Variants in KIF26A observed in about 807,000 individuals in gnomAD.
The protein encoded by KIF26A is kinesin-like protein KIF26A.
In KIF26A, 74 loss-of-function variants were observed where a neutral mutation model predicts 126.0. That is an observed-to-expected ratio of 0.59 (90% CI 0.49 to 0.71). The LOEUF (loss-of-function observed/expected upper bound fraction) is 0.71, where lower values mean the gene tolerates loss of function less well. Among genes scored for constraint, KIF26A ranks in the 30% least tolerant of loss-of-function variants. The pLI is 0.00. For synonymous variants in KIF26A, 1,445 were observed against 1,232.7 expected (o/e 1.17, Z -3.61); for missense variants, 2,984 against 2,763.3 (o/e 1.08, Z -1.79).
intron 2 of KIF26A, among the ~76,000 whole-genome samples, chr14:104,140,867 G>A (rs1449301836): frequency 6.6e-6 from 1 of 152,168 alleles, no homozygotes; most frequent in Non-Finnish European, 1.5e-5. Context: ...GTCCCGGGCT[G>A]GTCTCAGCCA....
intron 4 of KIF26A, among the ~76,000 whole-genome samples, chr14:104,165,059 CTCTGTGTT>C (rs201225101): frequency 6.7e-6 from 1 of 150,034 alleles, no homozygotes; most frequent in African/African-American, 2.5e-5. Context: ...GTCTGTGTGT[CTCTGTGTT>C]TCTGTATGCA....
chr14:104,145,493 G>A (rs1315850998), intron 2 of KIF26A, among the ~76,000 whole-genome samples: 1 of 152,178 alleles, frequency 6.6e-6, no homozygotes. Flanking sequence ...GCCTGGCCCG[G>A]CGCCAGGTCA....
intron 2 of KIF26A, 122 bp downstream of exon 2, chr14:104,139,410 ATCAGCCAGG>A: frequency 8.2e-7 from 1 of 1,224,240 alleles, no homozygotes; most frequent in Non-Finnish European, 1.1e-6. Context: ...ACAAAGAGTT[ATCAGCCAGG>A]ACTTCCCTTC....
chr14:104,139,687 G>GC (rs943186577), intron 2 of KIF26A, among the ~76,000 whole-genome samples: 1 of 152,204 alleles, frequency 6.6e-6, no homozygotes, highest in Non-Finnish European at 1.5e-5. Flanking sequence ...GGGCACCTGG[G>GC]CCCCCAGCCA....
At chr14:104,172,511 T>C in intron 6 of KIF26A, 64 bp from the exon 7 acceptor site, 6 of 1,283,952 alleles carry the variant, frequency 4.7e-6, no homozygotes, top group Non-Finnish European at 6.7e-6. Context: ...CAGACCGGCC[T>C]CAGGCCCACA....
Position 104,176,112 on chromosome 14 carries a change from C to T in KIF26A, c.3324C>T (p.Ser1108=). 1 of 1,582,760 alleles carries T rather than the reference C, an allele frequency of 6.3e-7. No individual in the cohort carries two copies. Among genetic ancestry groups the T allele is most frequent in the Non-Finnish European group, 8.6e-7 (1 of 1,165,328 alleles). ...GAAWAGSSHG[S]SISSWLSEVS... ...CCTGGGCCGGCAGCAGTCACGGCTCCTCCATCAGCTCCTGGCTCAGCGAGG... is the reference window on the plus strand; with the variant it reads ...CCTGGGCCGGCAGCAGTCACGGCTCTTCCATCAGCTCCTGGCTCAGCGAGG... Residue 1108 remains serine, a synonymous_variant, in exon 12 of 15, where the codon TCC becomes TCT. Transcript: ENST00000423312.
chr14:104,157,748 CCT>C lies in KIF26A; in HGVS notation c.736-5_736-4del, dbSNP rs759125663. ...GTTCCTTATACGCACTCTCTCCTTC[CCT>C]CCAGGCCGAGGCAGCGGTGGCGGCC... On this transcript the variant is annotated splice_polypyrimidine_tract_variant and splice_region_variant and intron_variant, in intron 3 of 14. Transcript: ENST00000423312. 6.2e-7 allele frequency: 1 copy of C among 1,610,082 alleles called. No homozygotes were observed. The highest frequency in any genetic ancestry group is 8.5e-7 in the Non-Finnish European group (1 of 1,178,866).
chr14:104,171,724 T>C lies in KIF26A; in HGVS notation c.1115T>C (p.Val372Ala). 2 of 1,566,396 alleles carry C rather than the reference T, an allele frequency of 1.3e-6. No homozygotes were observed. Among genetic ancestry groups the C allele is most frequent in the Non-Finnish European group, 1.7e-6 (2 of 1,157,060 alleles). ...TKDNPGSIGK[V>A]KVMLRIWPAQ... ...AGGTGCCGCCCACCTCTGCCCCAGG[T>C]GAAGGTTATGCTGCGGATCTGGCCC... The change falls in exon 6 of 15, where the codon GTG becomes GCG. Residue 372 changes from valine to alanine, a missense_variant and splice_region_variant. Val to Ala is a moderately conservative substitution (Grantham distance 64). Coordinates refer to ENST00000423312, the MANE Select transcript of KIF26A (RefSeq NM_015656.2).
chr14:104,151,759 G>GGCTAACATTAA lies in KIF26A; in HGVS notation c.289-254_289-253insTAACATTAAGC, dbSNP rs1441120621. Among the ~76,000 whole-genome samples the GGCTAACATTAA allele has an allele frequency of 6.6e-6, 1 of 152,246 alleles. No homozygotes were observed. The highest frequency in any genetic ancestry group is 1.5e-5 in the Non-Finnish European group (1 of 68,038). ...CCGCAAACCTGCCTTGTTAGCCGCA[G>GGCTAACATTAA]GCCGGGGCGCTTAATGACGGCTGGG... On this transcript the variant is annotated intron_variant, in intron 2 of 14. Coordinates refer to ENST00000423312, the MANE Select transcript of KIF26A (RefSeq NM_015656.2). The surrounding 1 kb of genome is among the most constrained non-coding windows in gnomAD (Gnocchi z 4.9).
chr14:104,174,170 C>T lies in KIF26A; in HGVS notation c.2053C>T (p.Leu685=), dbSNP rs1460025452. The part of the protein sequence containing the change: ...PYRDHRLTML[L]RESLATAGCR... ...CAGGGACCACAGGCTCACCATGCTG[C>T]TGCGTGAATCCCTGGCCACCGCTGG... The change falls in exon 11 of 15, where the codon CTG becomes TTG. Residue 685 remains leucine (L), a synonymous_variant. Coordinates refer to ENST00000423312, the MANE Select transcript of KIF26A (RefSeq NM_015656.2). 1.9e-6 allele frequency: 3 copies of T among 1,587,444 alleles called. No individual in the cohort carries two copies. In the South Asian group the frequency reaches 3.4e-5, roughly 18 times the overall value.
intron 4 of KIF26A, among the ~76,000 whole-genome samples, chr14:104,163,823 C>T (rs1453617407): frequency 2.6e-5 from 4 of 151,908 alleles, no homozygotes; most frequent in East Asian, 2.0e-4. Context: ...TTACCCAATA[C>T]CGTGCCAGCT....
At chr14:104,150,032 T>G (rs1339911573) in intron 2 of KIF26A, among the ~76,000 whole-genome samples, 1 of 152,162 alleles carries the variant, frequency 6.6e-6, no homozygotes, top group African/African-American at 2.4e-5. Flanking sequence ...AGTTCTGGGT[T>G]CTACATGTAG....
At chr14:104,164,483 C>T (rs2037862259) in intron 4 of KIF26A, among the ~76,000 whole-genome samples, 1 of 152,032 alleles carries the variant, frequency 6.6e-6, no homozygotes, top group South Asian at 2.1e-4. Context: ...GCTCTGGGTG[C>T]CTGCAGCACA....
chr14:104,174,664 G>A (rs140877140), intron 11 of KIF26A, among the ~76,000 whole-genome samples: 1,770 of 152,268 alleles, frequency 0.012, 31 homozygotes, highest in African/African-American at 0.041. Context: ...GGTGGAGTTT[G>A]GGGCACTCTG....
chr14:104,145,378 C>T (rs1199715882), intron 2 of KIF26A, among the ~76,000 whole-genome samples: 4 of 152,218 alleles, frequency 2.6e-5, no homozygotes. Flanking sequence ...GACTCCCCAG[C>T]CCACCTGTCC....
Position 104,171,916 on chromosome 14 carries a change from T to C in KIF26A, c.1307T>C (p.Phe436Ser). The stretch of plus-strand genomic sequence containing the variant: ...AAGATGTTTGCCTTCGATGCCGTCT[T>C]CCCCCAGGACTCCGAGCAGGTACGG... ...VPKMFAFDAV[F>S]PQDSEQAEVC... Residue 436 changes from phenylalanine (F) to serine (S), a missense_variant, in exon 6 of 15, where the codon TTC (phenylalanine) becomes TCC (serine). Physicochemically the swap from Phe to Ser is radical, Grantham distance 155. Coordinates refer to ENST00000423312, the MANE Select transcript of KIF26A (RefSeq NM_015656.2). 1.3e-6 allele frequency: 2 copies of C among 1,554,410 alleles called. No homozygotes were observed. The highest frequency in any genetic ancestry group is 1.9e-5 in the Admixed American group (1 of 51,744).
At position 104,175,056 on chromosome 14, in the gene KIF26A, C is replaced by G. The variant is rs377074004; in HGVS notation, c.2268C>G (p.Pro756=). Residue 756 remains proline, a synonymous_variant, in exon 12 of 15, where the codon CCC becomes CCG. Coordinates refer to ENST00000423312, the MANE Select transcript of KIF26A (RefSeq NM_015656.2). ...CCCGTCGGCCCCCGCACCTGCGGCC[C>G]TTCCACCCACGCACTGTGGCCCTGG... The part of the protein sequence containing the change: ...GRARRPPHLR[P]FHPRTVALDP... The G allele has an allele frequency of 6.3e-7, 1 of 1,582,080 alleles. No individual in the cohort carries two copies. The highest frequency in any genetic ancestry group is 1.3e-5 in the African/African-American group (1 of 74,284).
chr14:104,159,422 G>T (rs2153557), intron 4 of KIF26A, among the ~76,000 whole-genome samples: 11 of 152,220 alleles, frequency 7.2e-5, no homozygotes, highest in Middle Eastern at 3.2e-3. Flanking sequence ...GAGCTCCCCC[G>T]GTCCCTGATG....
chr14:104,175,092 C>A lies in KIF26A; in HGVS notation c.2304C>A (p.Arg768=). 1 of 1,600,756 alleles carries A rather than the reference C, an allele frequency of 6.2e-7. No individual in the cohort carries two copies. Among genetic ancestry groups the A allele is most frequent in the Non-Finnish European group, 8.5e-7 (1 of 1,175,204 alleles). The change falls in exon 12 of 15, where the codon CGC becomes CGA. Residue 768 remains arginine (R), a synonymous_variant. Transcript: ENST00000423312. ...GCACTGTGGCCCTGGACCCCGACCG[C>A]ACGCCTCCCTGCCTGCCCGGTGACC... ...HPRTVALDPD[R]TPPCLPGDPD...
Sources: allele counts gnomAD v4.1 joint callset (sites outside exome capture counted in the v4.1 genomes callset), GRCh38; gene constraint gnomAD v4.1.1; non-coding constraint Gnocchi (gnomAD v3.1); transcripts MANE v1.5; gene names NCBI Gene and HGNC (gene_info 2026-07-23, HGNC 2026-07-21).